Variants in MYPN observed in about 807,000 individuals in gnomAD.
MYPN encodes sarcomeric protein myopalladin, 145 kDa (MYOP).
A neutral mutation model predicts 129.4 loss-of-function variants in MYPN; 63 were observed. The ratio of observed to expected loss-of-function variants is 0.49; its 90% CI spans 0.40 to 0.60. The LOEUF is 0.60. MYPN is among the 20% of genes least tolerant of loss of function. The pLI is 0.00. For missense variants in MYPN, 1,596 were observed against 1,635.4 expected, an observed-to-expected ratio of 0.98 and a Z score of 0.42; for synonymous variants, 629 against 600.9, an observed-to-expected ratio of 1.05 and a Z score of -0.68.
intron 13 of MYPN, among the ~76,000 whole-genome samples, chr10:68,189,644 C>T (rs889580731): frequency 6.6e-6 from 1 of 152,234 alleles, no homozygotes; most frequent in South Asian, 2.1e-4. Flanking sequence ...GCTTACTTCA[C>T]TTAACATAAC....
upstream of MYPN, chr10:68,106,575 T>A: frequency 1.4e-6 from 1 of 695,106 alleles, no homozygotes; most frequent in South Asian, 1.5e-5. Flanking sequence ...ATACTGGATA[T>A]GTCAAGATGA....
chr10:68,206,432 C>T (rs1322615982), intron 18 of MYPN, among the ~76,000 whole-genome samples: 2 of 152,180 alleles, frequency 1.3e-5, no homozygotes, highest in African/African-American at 4.8e-5. Context: ...CTGTTCATCC[C>T]AGAGCATCCT....
At chr10:68,132,264 C>G (rs1414818657) in intron 2 of MYPN, among the ~76,000 whole-genome samples, 1 of 151,902 alleles carries the variant, frequency 6.6e-6, no homozygotes, top group Non-Finnish European at 1.5e-5. Flanking sequence ...GTGTTTTTCC[C>G]CTTTACTCTG....
At chr10:68,093,571 T>C (rs1352680582) in intron 1 of MYPN, among the ~76,000 whole-genome samples, 3 of 115,156 alleles carry the variant, frequency 2.6e-5, no homozygotes, top group Non-Finnish European at 5.1e-5. Flanking sequence ...ACCCCATCTC[T>C]ACTAAAAAAA....
upstream of MYPN, chr10:68,106,065 C>T (rs1011189201): frequency 2.4e-5 from 11 of 449,454 alleles, no homozygotes; most frequent in African/African-American, 8.0e-5. Context: ...ATTACTCTGG[C>T]GGGGCAGTAT....
chr10:68,138,688 T>G (rs978919979), intron 2 of MYPN, among the ~76,000 whole-genome samples: 1 of 152,246 alleles, frequency 6.6e-6, no homozygotes. Flanking sequence ...GGTTTGCTGA[T>G]GTTAGCCATT....
At chr10:68,164,102 T>C (rs899231330) in intron 8 of MYPN, among the ~76,000 whole-genome samples, 1 of 152,204 alleles carries the variant, frequency 6.6e-6, no homozygotes, top group Non-Finnish European at 1.5e-5. Context: ...AGGTACTTGC[T>C]TGGTCCACTG....
At chr10:68,206,274 T>A (rs2043814143) in intron 18 of MYPN, among the ~76,000 whole-genome samples, 1 of 152,078 alleles carries the variant, frequency 6.6e-6, no homozygotes, top group Admixed American at 6.5e-5. Flanking sequence ...AAACTATGGA[T>A]GTGGAGAAAA....
At chr10:68,179,063 C>T (rs541261590) in intron 12 of MYPN, among the ~76,000 whole-genome samples, 1 of 152,172 alleles carries the variant, frequency 6.6e-6, no homozygotes, top group Admixed American at 6.6e-5. Flanking sequence ...TAAGTACCTC[C>T]TAATTTTTGT....
At chr10:68,138,252 A>G (rs1324091938) in intron 2 of MYPN, among the ~76,000 whole-genome samples, 1 of 151,522 alleles carries the variant, frequency 6.6e-6, no homozygotes, top group Non-Finnish European at 1.5e-5. Context: ...ACAGGTGTGC[A>G]TCACCATGCC....
intron 12 of MYPN, among the ~76,000 whole-genome samples, chr10:68,184,548 A>G (rs142873759): frequency 2.0e-5 from 3 of 151,902 alleles, no homozygotes; most frequent in African/African-American, 7.2e-5. Context: ...CCTGTCTCAG[A>G]CTCCCGAGTA....
intron 5 of MYPN, among the ~76,000 whole-genome samples, chr10:68,148,669 G>C (rs1254273908): frequency 7.9e-5 from 12 of 152,172 alleles, no homozygotes. Context: ...GCAAATTTCT[G>C]AGGAGAAGAA....
Position 68,122,026 on chromosome 10 carries a change from C to T in MYPN, c.588C>T (p.Ser196=), listed in dbSNP as rs753313639. The T allele has an allele frequency of 2.5e-6, 4 of 1,614,236 alleles. No individual in the cohort carries two copies. In the Admixed American group the frequency reaches 5.0e-5, roughly 20 times the overall value. The part of the protein sequence containing the change: ...ESQNKVMQEN[S]SSFSDLSERR... ...AAAACAAAGTTATGCAGGAAAACAG[C>T]TCCAGTTTCTCAGATCTGTCAGAAA... is the stretch of plus-strand genomic sequence containing the variant. Residue 196 remains serine, a synonymous_variant, in exon 2 of 20, where the codon AGC becomes AGT. Coordinates refer to ENST00000358913, the MANE Select transcript of MYPN (RefSeq NM_032578.4).
intron 2 of MYPN, among the ~76,000 whole-genome samples, chr10:68,131,293 G>A (rs1282450486): frequency 6.6e-6 from 1 of 151,820 alleles, no homozygotes; most frequent in African/African-American, 2.4e-5. Flanking sequence ...GGAGGCTGAG[G>A]CAGGAGAATC....
At chr10:68,198,874 G>A (rs12415105) in intron 16 of MYPN, among the ~76,000 whole-genome samples, 62,563 of 149,484 alleles carry the variant, frequency 0.42, 13,920 homozygotes, top group Non-Finnish European at 0.49. Flanking sequence ...GGATGGGAGG[G>A]GTGAGGGGAG....
chr10:68,091,144 T>C (rs1454201261), intron 1 of MYPN, among the ~76,000 whole-genome samples: 1 of 152,142 alleles, frequency 6.6e-6, no homozygotes, highest in East Asian at 1.9e-4. Context: ...GAAATTAGAA[T>C]GCTGCTGGGT....
At chr10:68,110,515 T>C (rs1013253589) in intron 1 of MYPN, among the ~76,000 whole-genome samples, 1 of 152,248 alleles carries the variant, frequency 6.6e-6, no homozygotes, top group Non-Finnish European at 1.5e-5. Context: ...GATTTTTATA[T>C]GCTTATTAAA....
At chr10:68,100,926 A>G (rs2041978899) in intron 1 of MYPN, among the ~76,000 whole-genome samples, 1 of 152,202 alleles carries the variant, frequency 6.6e-6, no homozygotes, top group African/African-American at 2.4e-5. Context: ...ACCATTAATG[A>G]CAATTAAATC....
At chr10:68,148,181 C>T (rs147194056) in intron 4 of MYPN, among the ~76,000 whole-genome samples, 172 bp from the exon 5 acceptor site, 1 of 152,184 alleles carries the variant, frequency 6.6e-6, no homozygotes, top group Non-Finnish European at 1.5e-5. Context: ...TTTGCATTGC[C>T]TAACAAAATG....
Sources: allele counts gnomAD v4.1 joint callset (sites outside exome capture counted in the v4.1 genomes callset), GRCh38; gene constraint gnomAD v4.1.1; transcripts MANE v1.5; gene names NCBI Gene and HGNC (gene_info 2026-07-23, HGNC 2026-07-21).